CFAP44: variants seen among roughly 807,000 people sequenced by gnomAD.
CFAP44 encodes cilia and flagella associated protein 44.
In CFAP44, 134 loss-of-function variants were observed where a neutral mutation model predicts 216.2. The observed-to-expected ratio is 0.62, with a 90% CI of 0.54 to 0.72. CFAP44 has a LOEUF of 0.72. CFAP44 is among the 30% of genes least tolerant of loss of function. The pLI is 0.00. For missense variants in CFAP44, 2,035 were observed against 2,182.1 expected, an observed-to-expected ratio of 0.93 and a Z score of 1.34; for synonymous variants, 700 against 727.6, an observed-to-expected ratio of 0.96 and a Z score of 0.61.
At chr3:113,351,595 C>T (rs765243189) in intron 22 of CFAP44, among the ~76,000 whole-genome samples, 1 of 152,200 alleles carries the variant, frequency 6.6e-6, no homozygotes, top group Non-Finnish European at 1.5e-5. Flanking sequence ...GGACTCTGAA[C>T]CTTCTTAGGG....
At chr3:113,316,868 C>CAA (rs71684264) in intron 28 of CFAP44, among the ~76,000 whole-genome samples, 11 of 116,348 alleles carry the variant, frequency 9.5e-5, no homozygotes, top group Admixed American at 6.2e-4. Flanking sequence ...GACTCCATCT[C>CAA]AAAAAAAAAA....
rs187631208 is a variant in CFAP44 at position 113,293,868 on chromosome 3, G to A, written c.5373+819C>T. On this transcript the variant is annotated intron_variant, in intron 34 of 34. Coordinates refer to ENST00000393845, the MANE Select transcript of CFAP44 (RefSeq NM_001164496.2). ...AACTCTAGTGTGCTTCAGAATCCCC[G>A]GGAAGGCTGGTTAATGCAGACTGCT... 1.4e-3 allele frequency: 514 copies of A among 359,856 alleles called. 6 individuals carry two copies. The Admixed American group carries it at 0.015, about 11-fold the overall frequency. 22.3% of individuals were successfully genotyped at this position (359,856 alleles called of 1,614,324 possible). A position where few individuals can be genotyped will look rare whatever the true frequency, so the allele number is the denominator to read the frequency against.
At position 113,441,472 on chromosome 3, in the gene CFAP44, G is replaced by A. The variant is rs1029205558; in HGVS notation, c.-25C>T. 31 of 984,300 alleles carry A rather than the reference G, an allele frequency of 3.1e-5. 1 individual carries two copies. In the Admixed American group the frequency reaches 1.7e-3, roughly 53 times the overall value. 61.0% of individuals were successfully genotyped at this position (984,300 alleles called of 1,614,324 possible). ...ACTCACCGAAGGTACTGACCGCCGC[G>A]GCTCCTCTCTTCACAGCGTCTGCCG... is the stretch of plus-strand genomic sequence containing the variant. On this transcript the variant is annotated 5_prime_UTR_variant, in exon 1 of 35. Coordinates refer to ENST00000393845, the MANE Select transcript of CFAP44 (RefSeq NM_001164496.2).
chr3:113,401,682 C>G lies in CFAP44; in HGVS notation c.1228G>C (p.Glu410Gln). The G allele has an allele frequency of 6.2e-7, 1 of 1,613,582 alleles. No individual in the cohort carries two copies. ...TGAAGTTCATTAATAGGCTCAATCT[C>G]CAACAATCCAGTCTCATCTATTACA... Reference protein sequence around the residue: ...ADVIDETGLLEIEPINELQVD... With the variant: ...ADVIDETGLLQIEPINELQVD... Residue 410 changes from glutamate to glutamine, a missense_variant, in exon 10 of 35, where the codon GAG (glutamate) becomes CAG (glutamine). This residue lies in a region of CFAP44 where 1,883 missense variants were observed against 2,023.7 expected (regional missense o/e 0.93). Coordinates refer to ENST00000393845, the MANE Select transcript of CFAP44 (RefSeq NM_001164496.2).
intron 34 of CFAP44, among the ~76,000 whole-genome samples, chr3:113,292,749 A>C (rs889352921): frequency 1.3e-5 from 2 of 152,222 alleles, no homozygotes; most frequent in South Asian, 4.1e-4. Flanking sequence ...GCAGACCTTC[A>C]TAGTAAGGGT....
chr3:113,379,002 T>C (rs969173435), intron 17 of CFAP44, among the ~76,000 whole-genome samples: 2 of 152,266 alleles, frequency 1.3e-5, no homozygotes, highest in Non-Finnish European at 2.9e-5. Flanking sequence ...TTCTCCTCTT[T>C]GACCTGCCTG....
At chr3:113,337,233 A>G (rs2107815841) in intron 24 of CFAP44, among the ~76,000 whole-genome samples, 1 of 152,044 alleles carries the variant, frequency 6.6e-6, no homozygotes, top group East Asian at 1.9e-4. Flanking sequence ...AGAAATGCAT[A>G]TGTGCAAATC....
chr3:113,299,295 A>T (rs1949912580), intron 32 of CFAP44, among the ~76,000 whole-genome samples: 1 of 152,226 alleles, frequency 6.6e-6, no homozygotes, highest in Non-Finnish European at 1.5e-5. Flanking sequence ...ACAAATGGCA[A>T]ACAGGTACAT....
intron 17 of CFAP44, among the ~76,000 whole-genome samples, chr3:113,377,766 C>T (rs1933390774): frequency 6.6e-6 from 1 of 152,108 alleles, no homozygotes; most frequent in Non-Finnish European, 1.5e-5. Context: ...AATTCCCCTG[C>T]CTTGGCCTCC....
At chr3:113,433,696 A>G (rs1201548971) in intron 1 of CFAP44, 27 bp from the exon 2 acceptor site, 13 of 1,538,212 alleles carry the variant, frequency 8.5e-6, no homozygotes, top group Admixed American at 1.7e-5. Flanking sequence ...GGGATGAGAT[A>G]TGGATAAAGC....
At chr3:113,433,252 A>T (rs938407091) in intron 2 of CFAP44, among the ~76,000 whole-genome samples, 3 of 151,722 alleles carry the variant, frequency 2.0e-5, no homozygotes, top group African/African-American at 7.3e-5. Flanking sequence ...AATATGATGA[A>T]ACCCCATCTC....
At chr3:113,338,653 G>T (rs772717331) in intron 24 of CFAP44, among the ~76,000 whole-genome samples, 1 of 152,092 alleles carries the variant, frequency 6.6e-6, no homozygotes, top group African/African-American at 2.4e-5. Flanking sequence ...CTCCAGGAAC[G>T]TTCAAACATT....
At chr3:113,370,899 A>G (rs1933131980) in intron 18 of CFAP44, among the ~76,000 whole-genome samples, 2 of 151,454 alleles carry the variant, frequency 1.3e-5, no homozygotes, top group African/African-American at 4.9e-5. Flanking sequence ...ATACAAAATC[A>G]ATGTACAAAA....
chr3:113,416,605 A>G lies in CFAP44; in HGVS notation c.593T>C (p.Phe198Ser). ...AAAACTCCCTTTTTCAGCTACTGTGAAATAAGTTTTATGTGGATGAACCTA... is the reference window on the plus strand; with the variant it reads ...AAAACTCCCTTTTTCAGCTACTGTGGAATAAGTTTTATGTGGATGAACCTA... The part of the protein sequence containing the change: ...VIGVHPHKTY[F>S]TVAEKGSFPD... The change falls in exon 6 of 35, where the codon TTC becomes TCC. Residue 198 changes from phenylalanine (F) to serine (S), a missense_variant. Phe to Ser is a radical substitution (Grantham distance 155). Around this residue, in one of 3 missense-constraint regions of CFAP44, gnomAD observed 1,883 missense variants for 2,023.7 expected, o/e 0.93. Transcript: ENST00000393845. 6.2e-7 allele frequency: 1 copy of G among 1,611,200 alleles called. No individual in the cohort carries two copies. The highest frequency in any genetic ancestry group is 8.5e-7 in the Non-Finnish European group (1 of 1,178,360).
At chr3:113,328,756 T>C (rs1208592560) in intron 26 of CFAP44, among the ~76,000 whole-genome samples, 1 of 140,246 alleles carries the variant, frequency 7.1e-6, no homozygotes, top group Non-Finnish European at 1.5e-5. Context: ...ATTAAACTTT[T>C]AAGTAACCAT....
intron 33 of CFAP44, among the ~76,000 whole-genome samples, 154 bp downstream of exon 33, chr3:113,296,571 A>C (rs1370758709): frequency 6.6e-6 from 1 of 152,152 alleles, no homozygotes; most frequent in East Asian, 1.9e-4. Flanking sequence ...ACAGTAAAGA[A>C]GCCGAGACAA....
At position 113,435,733 on chromosome 3, in the gene CFAP44, A is replaced by AC. The variant is rs1935221105; in HGVS notation, c.-5-2065_-5-2064insG. Among the ~76,000 whole-genome samples the AC allele has an allele frequency of 1.7e-4, 3 of 18,098 alleles. No individual in the cohort carries two copies. In the East Asian group the frequency reaches 6.7e-3, roughly 40 times the overall value. The allele number at this position is 18,098 out of a possible 152,430, so 11.9% of individuals were successfully genotyped here. A position where few individuals can be genotyped will look rare whatever the true frequency, so the allele number is the denominator to read the frequency against. ...GACAGACCAAGACTCTGCTTCTAAA[A>AC]TTAAAAAAAAAAAAAAAGATATGGT... On this transcript the variant is annotated intron_variant, in intron 1 of 34. Transcript: ENST00000393845.
chr3:113,418,700 T>C (rs1934721600), intron 5 of CFAP44, among the ~76,000 whole-genome samples: 2 of 152,004 alleles, frequency 1.3e-5, no homozygotes, highest in East Asian at 1.9e-4. Flanking sequence ...CTTTTGTTTT[T>C]TTTGTTTTTT....
At chr3:113,401,489 C>T (rs1478009345) in intron 10 of CFAP44, 95 bp downstream of exon 10, 2 of 1,433,922 alleles carry the variant, frequency 1.4e-6, no homozygotes, top group Admixed American at 2.1e-5. Flanking sequence ...ATAACACTTA[C>T]AGTCAAATGG....
Sources: allele counts gnomAD v4.1 joint callset (sites outside exome capture counted in the v4.1 genomes callset), GRCh38; gene constraint gnomAD v4.1.1; regional missense constraint gnomAD v4.1.1; transcripts MANE v1.5; gene names NCBI Gene and HGNC (gene_info 2026-07-23, HGNC 2026-07-21).